Variants in CCDC102B observed in about 807,000 individuals in gnomAD.
CCDC102B encodes coiled-coil domain containing 102B.
Under a neutral mutation model 57.4 loss-of-function variants are expected in CCDC102B, and 75 were observed. The ratio of observed to expected loss-of-function variants is 1.31; its 90% CI spans 1.08 to 1.58. The LOEUF (loss-of-function observed/expected upper bound fraction) is 1.58. Among genes scored for constraint, CCDC102B ranks in the 40% most tolerant of loss-of-function variants. The probability of loss-of-function intolerance (pLI) is 0.00; values close to 1 mark genes in which losing one functional copy is unlikely to be tolerated. For missense variants in CCDC102B, 636 were observed against 582.6 expected (o/e 1.09, Z -0.94); for synonymous variants, 206 against 201.9 (o/e 1.02, Z -0.17).
At chr18:69,017,179 G>A (rs772490306) in intron 7 of CCDC102B, among the ~76,000 whole-genome samples, 3 of 152,104 alleles carry the variant, frequency 2.0e-5, no homozygotes, top group Admixed American at 6.5e-5. Flanking sequence ...GCAGTGGGGC[G>A]GTCTTGGCTC....
At chr18:68,748,228 G>A (rs1463590499) in intron 2 of CCDC102B, among the ~76,000 whole-genome samples, 8 of 150,874 alleles carry the variant, frequency 5.3e-5, no homozygotes, top group African/African-American at 1.7e-4. Context: ...GTGTGTGTGT[G>A]TGTGTGTGTG....
intron 4 of CCDC102B, among the ~76,000 whole-genome samples, chr18:68,850,356 A>G (rs867456716): frequency 6.6e-6 from 1 of 152,192 alleles, no homozygotes; most frequent in Middle Eastern, 3.4e-3. Flanking sequence ...AGAGCTGGGA[A>G]GTGGAAGGGT....
intron 6 of CCDC102B, among the ~76,000 whole-genome samples, chr18:68,904,678 C>G (rs567831080): frequency 6.6e-6 from 1 of 152,250 alleles, no homozygotes; most frequent in Non-Finnish European, 1.5e-5. Context: ...CATGCCTACT[C>G]TCAAATGCAT....
At chr18:68,811,260 T>G (rs762330219) in intron 1 of CCDC102B, among the ~76,000 whole-genome samples, 1 of 152,180 alleles carries the variant, frequency 6.6e-6, no homozygotes, top group Non-Finnish European at 1.5e-5. Context: ...TCTACATCCT[T>G]TAGGTATAAA....
At chr18:68,790,770 A>G (rs2035428975) in intron 2 of CCDC102B, among the ~76,000 whole-genome samples, 1 of 152,148 alleles carries the variant, frequency 6.6e-6, no homozygotes, top group African/African-American at 2.4e-5. Flanking sequence ...TCAGATGGAA[A>G]TGCAGAAATC....
At chr18:68,747,887 G>A (rs2033684400) in intron 2 of CCDC102B, among the ~76,000 whole-genome samples, 2 of 152,134 alleles carry the variant, frequency 1.3e-5, no homozygotes, top group South Asian at 2.1e-4. Context: ...ACCCAGCAAT[G>A]GGATTGCTGA....
At chr18:68,866,809 T>A (rs2039006069) in intron 4 of CCDC102B, 1 of 695,198 alleles carries the variant, frequency 1.4e-6, no homozygotes, top group Non-Finnish European at 2.7e-6. Flanking sequence ...GAACTTTGAG[T>A]CTTATTTGAA....
At chr18:69,051,047 G>T (rs1043288137) in intron 7 of CCDC102B, among the ~76,000 whole-genome samples, 2 of 151,904 alleles carry the variant, frequency 1.3e-5, no homozygotes, top group Middle Eastern at 3.2e-3. Flanking sequence ...ACCAGGCCTG[G>T]CTATTTTTAT....
chr18:68,852,598 A>G (rs188610430), intron 4 of CCDC102B, among the ~76,000 whole-genome samples: 1 of 152,298 alleles, frequency 6.6e-6, no homozygotes, highest in East Asian at 1.9e-4. Flanking sequence ...TTTGCTTTTC[A>G]GAACTCATAG....
At chr18:68,828,635 A>C (rs12373467) in intron 1 of CCDC102B, among the ~76,000 whole-genome samples, 64,811 of 151,308 alleles carry the variant, frequency 0.43, 15,084 homozygotes, top group East Asian at 0.86. Context: ...AAGTAAGGTA[A>C]TCAAGCCAAT....
chr18:68,904,668 C>T (rs998392517), intron 6 of CCDC102B, among the ~76,000 whole-genome samples: 2 of 152,058 alleles, frequency 1.3e-5, no homozygotes, highest in South Asian at 4.2e-4. Context: ...TATGATTGCT[C>T]ATGCCTACTC....
At chr18:69,018,325 A>G (rs1425094268) in intron 7 of CCDC102B, among the ~76,000 whole-genome samples, 3 of 152,146 alleles carry the variant, frequency 2.0e-5, no homozygotes, top group African/African-American at 7.2e-5. Flanking sequence ...TCTACTTTTT[A>G]ATTTAAATTT....
In CCDC102B at chr18:68,991,671, A is replaced by G. The variant is rs188641640; in HGVS notation, c.1264-19263A>G. Among the ~76,000 whole-genome samples, 76 of 152,340 alleles carry G rather than the reference A, an allele frequency of 5.0e-4. 1 individual carries two copies. The highest frequency in any genetic ancestry group is 7.3e-5 in the Non-Finnish European group (5 of 68,034). On this transcript the variant is annotated intron_variant, in intron 6 of 7. Transcript: ENST00000360242. ...GGATGCAAAATGCTGCATGAATGCT[A>G]AATTATATTTGTTAGAGTTGTGATT... is the stretch of plus-strand genomic sequence containing the variant.
In CCDC102B at chr18:68,748,454, T is replaced by C. The variant is rs373354691; in HGVS notation, c.-67+31860T>C. ...TCCATTTTACTAACTGGTAGTTTTG[T>C]AGTCAGCATGGTGGCAGAAATTTCC... On this transcript the variant is annotated intron_variant, in intron 2 of 3. Coordinates refer to the CCDC102B transcript ENST00000578970. Among the ~76,000 whole-genome samples the C allele has an allele frequency of 1.5e-4, 23 of 152,242 alleles. No individual in the cohort carries two copies. The East Asian group carries it at 3.7e-3, about 24-fold the overall frequency.
intron 4 of CCDC102B, among the ~76,000 whole-genome samples, chr18:68,851,178 C>G (rs1239764033): frequency 6.6e-6 from 1 of 152,140 alleles, no homozygotes; most frequent in African/African-American, 2.4e-5. Flanking sequence ...AAATGCTTAC[C>G]TTTCTAAACA....
intron 7 of CCDC102B, among the ~76,000 whole-genome samples, chr18:69,019,997 T>C (rs2051783742): frequency 6.6e-6 from 1 of 152,116 alleles, no homozygotes; most frequent in Non-Finnish European, 1.5e-5. Flanking sequence ...TCTGTTAATG[T>C]GGTATATCAC....
At chr18:68,900,597 G>T (rs370196069) in intron 6 of CCDC102B, among the ~76,000 whole-genome samples, 2 of 151,984 alleles carry the variant, frequency 1.3e-5, no homozygotes, top group Non-Finnish European at 2.9e-5. Context: ...AATTATAGTG[G>T]CATCGAAAGT....
At chr18:68,732,194 C>T (rs1185062387) in intron 2 of CCDC102B, among the ~76,000 whole-genome samples, 1 of 151,832 alleles carries the variant, frequency 6.6e-6, no homozygotes, top group African/African-American at 2.4e-5. Context: ...TTTATGGAAG[C>T]ACAGGGCTTT....
At chr18:68,951,961 A>AT (rs533384565) in intron 6 of CCDC102B, among the ~76,000 whole-genome samples, 147 of 152,244 alleles carry the variant, frequency 9.7e-4, no homozygotes, top group Non-Finnish European at 1.8e-3. Context: ...TTTCCTTTCC[A>AT]TTAGTATCCA....
Sources: gnomAD v4.1 joint callset for allele counts (sites outside exome capture counted in the v4.1 genomes callset) on GRCh38, gnomAD v4.1.1 for gene constraint, MANE v1.5 for transcripts, NCBI Gene and HGNC (gene_info 2026-07-23, HGNC 2026-07-21) for gene names.